Variants in DENND1A observed in about 807,000 individuals in gnomAD.
DENND1A encodes the protein DENN domain containing 1A.
DENND1A carries 51 observed loss-of-function variants against 113.7 expected under a neutral mutation model. The observed-to-expected ratio is 0.45, with a 90% CI of 0.36 to 0.57. The LOEUF (loss-of-function observed/expected upper bound fraction) is 0.57, where lower values mean the gene tolerates loss of function less well. Among genes scored for constraint, DENND1A ranks in the 20% least tolerant of loss-of-function variants. The probability of loss-of-function intolerance (pLI) is 0.00; values close to 1 mark genes in which losing one functional copy is unlikely to be tolerated. For synonymous variants in DENND1A, 565 were observed against 570.8 expected (o/e 0.99, Z 0.14); for missense variants, 1,258 against 1,395.9 (o/e 0.90, Z 1.57).
chr9:123,620,213 CAAAA>C (rs34196587), intron 10 of DENND1A, among the ~76,000 whole-genome samples: 190 of 59,038 alleles, frequency 3.2e-3, no homozygotes, highest in Middle Eastern at 0.03. Flanking sequence ...GACTCCATCT[CAAAA>C]AAAAAAAAAA....
At chr9:123,903,580 G>A (rs1017191131) in intron 1 of DENND1A, among the ~76,000 whole-genome samples, 11 of 152,256 alleles carry the variant, frequency 7.2e-5, no homozygotes, top group Admixed American at 2.0e-4. Flanking sequence ...GGGTCAGGGA[G>A]TTCCCTTTCC....
chr9:123,667,348 C>T (rs564507593), intron 7 of DENND1A, among the ~76,000 whole-genome samples: 2 of 152,270 alleles, frequency 1.3e-5, no homozygotes, highest in South Asian at 4.1e-4. Flanking sequence ...GGAGTGTTGG[C>T]TCACACCTGT....
At chr9:123,446,096 GC>G (rs1161488502) in intron 18 of DENND1A, among the ~76,000 whole-genome samples, 1 of 152,140 alleles carries the variant, frequency 6.6e-6, no homozygotes, top group Non-Finnish European at 1.5e-5. Context: ...CCACTTGCCT[GC>G]CTCAGAAGCC....
intron 5 of DENND1A, among the ~76,000 whole-genome samples, chr9:123,713,241 A>G (rs1164146793): frequency 6.6e-6 from 1 of 152,256 alleles, no homozygotes; most frequent in African/African-American, 2.4e-5. Flanking sequence ...ACTATTTGGC[A>G]TGTGGGCCCA....
At chr9:123,448,485 G>A (rs1290123639) in intron 18 of DENND1A, among the ~76,000 whole-genome samples, 1 of 152,132 alleles carries the variant, frequency 6.6e-6, no homozygotes, top group African/African-American at 2.4e-5. Flanking sequence ...TACTTCAGGG[G>A]ATATTCTGAT....
At chr9:123,517,305 T>G (rs1423322008) in intron 13 of DENND1A, among the ~76,000 whole-genome samples, 1 of 146,354 alleles carries the variant, frequency 6.8e-6, no homozygotes. Context: ...AACCCATTCA[T>G]ATCACAACAA....
At chr9:123,392,942 CTGAGAA>C (rs2042932105) in intron 21 of DENND1A, among the ~76,000 whole-genome samples, 1 of 152,200 alleles carries the variant, frequency 6.6e-6, no homozygotes. Context: ...AGTTACTTCA[CTGAGAA>C]TAAGAGTCTC....
intron 2 of DENND1A, among the ~76,000 whole-genome samples, chr9:123,803,787 C>T: frequency 6.6e-6 from 1 of 152,188 alleles, no homozygotes; most frequent in Non-Finnish European, 1.5e-5. Flanking sequence ...CTCTCCTTTT[C>T]TTTGTAGCTA....
chr9:123,450,071 G>A (rs1178753269), intron 18 of DENND1A, among the ~76,000 whole-genome samples: 1 of 151,158 alleles, frequency 6.6e-6, no homozygotes, highest in Non-Finnish European at 1.5e-5. Context: ...GGAGATTCAG[G>A]CTGGGGGAAT....
intron 20 of DENND1A, among the ~76,000 whole-genome samples, chr9:123,411,008 C>T (rs752315889): frequency 3.3e-5 from 5 of 152,086 alleles, no homozygotes; most frequent in Non-Finnish European, 5.9e-5. Context: ...TTTCCATGGA[C>T]GGATCTCTCT....
intron 5 of DENND1A, among the ~76,000 whole-genome samples, chr9:123,712,594 T>C (rs1482807286): frequency 1.3e-5 from 2 of 152,222 alleles, no homozygotes; most frequent in African/African-American, 4.8e-5. Flanking sequence ...ACCACCACCA[T>C]GACGACAATG....
Position 123,457,350 on chromosome 9 carries a change from G to T in DENND1A, c.1184C>A (p.Ala395Asp), listed in dbSNP as rs1382643715. ...AAGGAAAATGAGTTGCTTCTCACCA[G>T]CGTACTCGCCCATGTTGATTTCCTC... ...FEEEINMGEYAGSDKLYHQWL... is the reference protein window; with the variant it reads ...FEEEINMGEYDGSDKLYHQWL... The change falls in exon 15 of 24, where the codon GCT (alanine) becomes GAT (aspartate). Residue 395 changes from alanine to aspartate, a missense_variant and splice_region_variant. Physicochemically the swap from Ala to Asp is moderately radical, Grantham distance 126 (BLOSUM62 -2). This residue lies in a region of DENND1A where 1,159 missense variants were observed against 1,231.7 expected (regional missense o/e 0.94). Coordinates refer to ENST00000394215, the MANE Select transcript of DENND1A (RefSeq NM_001352964.2). The T allele has an allele frequency of 6.2e-7, 1 of 1,613,162 alleles. No homozygotes were observed. Among genetic ancestry groups the T allele is most frequent in the Admixed American group, 1.7e-5 (1 of 60,014 alleles).
chr9:123,652,332 G>C (rs2062702989), intron 8 of DENND1A: 2 of 488,276 alleles, frequency 4.1e-6, no homozygotes, highest in South Asian at 5.2e-5. Context: ...GAAGGAGCCT[G>C]AGCAATTACA....
Position 123,711,513 on chromosome 9 carries a change from G to GTGTATATATATA in DENND1A, c.303-34725_303-34724insTATATATATACA, listed in dbSNP as rs1369120234. Among the ~76,000 whole-genome samples, 8 of 120,982 alleles carry GTGTATATATATA rather than the reference G, an allele frequency of 6.6e-5. No individual in the cohort carries two copies. The South Asian group carries it at 7.7e-4, about 12-fold the overall frequency. 79.4% of individuals were successfully genotyped at this position (120,982 alleles called of 152,430 possible). A position where few individuals can be genotyped will look rare whatever the true frequency, so the allele number is the denominator to read the frequency against. Reference sequence around the variant, plus strand: ...TATATATATATATATATGTATATATGTATATATATATATATATATATATAT... The same window carrying GTGTATATATATA: ...TATATATATATATATATGTATATATGTGTATATATATATATATATATATATATATATATATAT... On this transcript the variant is annotated intron_variant, in intron 5 of 23. Transcript: ENST00000394215.
chr9:123,903,492 T>C (rs1428494657), intron 1 of DENND1A, among the ~76,000 whole-genome samples: 1 of 151,628 alleles, frequency 6.6e-6, no homozygotes, highest in Non-Finnish European at 1.5e-5. Flanking sequence ...TGCCAGACAG[T>C]GGGCGCAGGT....
Position 123,382,317 on chromosome 9 carries a change from T to A in DENND1A, c.2328A>T (p.Pro776=). 1 of 1,610,066 alleles carries A rather than the reference T, an allele frequency of 6.2e-7. No individual in the cohort carries two copies. The highest frequency in any genetic ancestry group is 1.7e-4 in the Middle Eastern group (1 of 6,050). The change falls in exon 24 of 24, where the codon CCA becomes CCT. Residue 776 remains proline (P), a synonymous_variant. Coordinates refer to ENST00000394215, the MANE Select transcript of DENND1A (RefSeq NM_001352964.2). The part of the protein sequence containing the change: ...RKTPELGIVP[P]PPIPRPAKLQ... ...GCTTGGCCGGGCGGGGAATGGGCGGTGGAGGCACGATGCCCAGCTCTGGGG... is the reference window on the plus strand; with the variant it reads ...GCTTGGCCGGGCGGGGAATGGGCGGAGGAGGCACGATGCCCAGCTCTGGGG...
In DENND1A at chr9:123,460,906, C is replaced by T. The variant is rs191657770; in HGVS notation, c.994-3009G>A. 3.0e-3 allele frequency among the ~76,000 whole-genome samples: 452 copies of T among 152,344 alleles called. 9 individuals are homozygous for T. Among genetic ancestry groups the T allele is most frequent in the Non-Finnish European group, 4.8e-3 (326 of 68,026 alleles). ...ACTAGACTATATGCTTCACGCAGGC[C>T]GGAATGGTGTCTGTTTTGTTCAACA... On this transcript the variant is annotated intron_variant, in intron 13 of 23. Transcript: ENST00000394215.
chr9:123,814,501 G>A (rs1327345277), intron 2 of DENND1A, among the ~76,000 whole-genome samples: 1 of 151,980 alleles, frequency 6.6e-6, no homozygotes, highest in Non-Finnish European at 1.5e-5. Context: ...AACAAAAAAG[G>A]TACTCTTTGG....
rs185468185 is a variant in DENND1A at position 123,415,162 on chromosome 9, C to G, written c.1489-3333G>C. Reference sequence around the variant, plus strand: ...GAAAGAGTAACGTGGTACAGATGTCCTGGCGCACCCAGTCAGATAAAACCC... The same window carrying G: ...GAAAGAGTAACGTGGTACAGATGTCGTGGCGCACCCAGTCAGATAAAACCC... On this transcript the variant is annotated intron_variant, in intron 19 of 23. Coordinates refer to ENST00000394215, the MANE Select transcript of DENND1A (RefSeq NM_001352964.2). Among the ~76,000 whole-genome samples, 711 of 152,286 alleles carry G rather than the reference C, an allele frequency of 4.7e-3. 2 individuals are homozygous for G. Among genetic ancestry groups the G allele is most frequent in the Admixed American group, 0.013 (195 of 15,292 alleles).
Sources: gnomAD v4.1 joint callset for allele counts (sites outside exome capture counted in the v4.1 genomes callset) on GRCh38, gnomAD v4.1.1 for gene constraint, gnomAD v4.1.1 regional missense constraint, MANE v1.5 for transcripts, NCBI Gene and HGNC (gene_info 2026-07-23, HGNC 2026-07-21) for gene names.